TRIM51: variants seen among roughly 807,000 people sequenced by gnomAD.
The protein encoded by TRIM51 is tripartite motif-containing 51.
In TRIM51, 23 loss-of-function variants were observed where a neutral mutation model predicts 32.7. The observed-to-expected ratio is 0.70, with a 90% CI of 0.51 to 1.00. TRIM51 has a LOEUF of 1.00. Ranked by LOEUF, TRIM51 falls within the 50% of genes least tolerant of loss-of-function variation. TRIM51 has a pLI of 0.00. For missense variants in TRIM51, 592 were observed against 539.2 expected, an observed-to-expected ratio of 1.10 and a Z score of -0.97; for synonymous variants, 177 against 181.9, an observed-to-expected ratio of 0.97 and a Z score of 0.22.
At chr11:55,884,396 T>C (rs542487374) in intron 1 of TRIM51, among the ~76,000 whole-genome samples, 69 of 151,792 alleles carry the variant, frequency 4.5e-4, no homozygotes, top group African/African-American at 1.6e-3. Context: ...GGAGAGGAAG[T>C]CCACTAGGGG....
chr11:55,885,789 C>T lies in TRIM51; in HGVS notation c.361C>T (p.His121Tyr). The T allele has an allele frequency of 6.2e-7, 1 of 1,611,792 alleles. No homozygotes were observed. Among genetic ancestry groups the T allele is most frequent in the African/African-American group, 1.3e-5 (1 of 74,954 alleles). The change falls in exon 2 of 7, where the codon CAC becomes TAC. Residue 121 changes from histidine (H) to tyrosine (Y), a missense_variant. By Grantham distance (83) the His-to-Tyr change is moderately conservative. Coordinates refer to ENST00000449290, the MANE Select transcript of TRIM51 (RefSeq NM_032681.4). ...TTTGCCGTGCTCCAACTCTCAGGAG[C>T]ACCGGAATCACATACACTGTCCCAT... Reference protein sequence around the residue: ...LCLPCSNSQEHRNHIHCPIEW... With the variant: ...LCLPCSNSQEYRNHIHCPIEW...
Position 55,887,999 on chromosome 11 carries a change from A to C in TRIM51, c.508-33A>C, listed in dbSNP as rs1391815445. ...AGTGAAATTCAAGAGAAGATGGGTA[A>C]AACATTTCTATTTTGACTAATTGTC... On this transcript the variant is annotated intron_variant, in intron 3 of 6. Transcript: ENST00000449290. 2.7e-6 allele frequency: 4 copies of C among 1,463,946 alleles called. No homozygotes were observed. In the Admixed American group the frequency reaches 6.7e-5, roughly 25 times the overall value. The allele number at this position is 1,463,946 out of a possible 1,614,324, so 90.7% of individuals were successfully genotyped here.
In TRIM51 at chr11:55,885,435, T is replaced by A; in HGVS notation, c.7T>A (p.Ser3Thr). 6.2e-7 allele frequency: 1 copy of A among 1,611,792 alleles called. No homozygotes were observed. Among genetic ancestry groups the A allele is most frequent in the East Asian group, 2.2e-5 (1 of 44,872 alleles). MN[S>T]GILQVFQRAL... ...CTCTTTCTTCTTCAGAAACATGAAT[T>A]CTGGAATCTTGCAAGTCTTCCAGAG... Residue 3 changes from serine (S) to threonine (T), a missense_variant, in exon 2 of 7, where the codon TCT becomes ACT. Physicochemically the swap from Ser to Thr is moderately conservative, Grantham distance 58 (BLOSUM62 1). Coordinates refer to ENST00000449290, the MANE Select transcript of TRIM51 (RefSeq NM_032681.4).
In TRIM51 at chr11:55,885,727, AG is replaced by A. The variant is rs1176633215; in HGVS notation, c.300del (p.Lys101ArgfsTer41). ...ATATGTGGGATGCACAGAGAGACAA[AG>A]AAGATGTTCTGTGAAGTGGACAAGA... is the stretch of plus-strand genomic sequence containing the variant. ...EQICGMHRET[K>X]KMFCEVDKSL... On this transcript the variant is annotated frameshift_variant, in exon 2 of 7. Transcript: ENST00000449290. LOFTEE classifies it high-confidence loss of function. The A allele has an allele frequency of 2.5e-6, 4 of 1,611,818 alleles. No homozygotes were observed. The South Asian group carries it at 4.4e-5, about 18-fold the overall frequency.
chr11:55,891,583 G>A lies in TRIM51; in HGVS notation c.1310G>A (p.Cys437Tyr), dbSNP rs556658129. ...QSSLIYTIPNCSFSPPLRPIF... is the reference protein window; with the variant it reads ...QSSLIYTIPNYSFSPPLRPIF... ...TCCCTGATATACACCATCCCCAATT[G>A]CTCCTTCTCACCTCCTCTCAGGCCT... Residue 437 changes from cysteine (C) to tyrosine (Y), a missense_variant, in exon 7 of 7, where the codon TGC becomes TAC. By Grantham distance (194) the Cys-to-Tyr change is radical. Coordinates refer to ENST00000449290, the MANE Select transcript of TRIM51 (RefSeq NM_032681.4). 12 of 1,613,444 alleles carry A rather than the reference G, an allele frequency of 7.4e-6. No individual in the cohort carries two copies. The highest frequency in any genetic ancestry group is 1.7e-4 in the Middle Eastern group (1 of 6,050).
intron 1 of TRIM51, among the ~76,000 whole-genome samples, chr11:55,883,666 A>G (rs1590631024): frequency 6.6e-6 from 1 of 152,156 alleles, no homozygotes; most frequent in East Asian, 1.9e-4. Flanking sequence ...TAAAACATAT[A>G]TATGTGTACT....
chr11:55,885,155 C>G (rs1421596431), intron 1 of TRIM51, among the ~76,000 whole-genome samples: 1 of 152,082 alleles, frequency 6.6e-6, no homozygotes, highest in African/African-American at 2.4e-5. Context: ...TGTCGACATC[C>G]AGGGAGTAGG....
chr11:55,889,114 T>C, intron 5 of TRIM51, 113 bp downstream of exon 5: 1 of 985,884 alleles, frequency 1.0e-6, no homozygotes, highest in Non-Finnish European at 1.6e-6. Context: ...TTGTGCTGGT[T>C]GTACTTTCTC....
Position 55,891,533 on chromosome 11 carries a change from G to A in TRIM51, c.1260G>A (p.Val420=), listed in dbSNP as rs748083476. 8.7e-6 allele frequency: 14 copies of A among 1,613,468 alleles called. No individual in the cohort carries two copies. In the Admixed American group the frequency reaches 2.3e-4, roughly 27 times the overall value. Residue 420 remains valine, a synonymous_variant, in exon 7 of 7, where the codon GTG becomes GTA. Coordinates refer to ENST00000449290, the MANE Select transcript of TRIM51 (RefSeq NM_032681.4). ...GLFLDCEGRT[V]SFVDVDQSSL... ...TCCTGGATTGTGAAGGTAGAACCGT[G>A]AGCTTTGTTGATGTTGATCAAAGTT...
At chr11:55,884,374 T>C (rs1200097317) in intron 1 of TRIM51, among the ~76,000 whole-genome samples, 1 of 151,634 alleles carries the variant, frequency 6.6e-6, no homozygotes, top group Admixed American at 6.6e-5. Flanking sequence ...ACTCTACACA[T>C]GACACTGTAC....
At position 55,885,752 on chromosome 11, in the gene TRIM51, G is replaced by C; in HGVS notation, c.324G>C (p.Lys108Asn). 1 of 1,611,828 alleles carries C rather than the reference G, an allele frequency of 6.2e-7. No individual in the cohort carries two copies. Among genetic ancestry groups the C allele is most frequent in the Non-Finnish European group, 8.5e-7 (1 of 1,179,738 alleles). The change falls in exon 2 of 7, where the codon AAG (lysine) becomes AAC (asparagine). Residue 108 changes from lysine to asparagine, a missense_variant. Lys to Asn is a moderately conservative substitution (Grantham distance 94, BLOSUM62 0). Transcript: ENST00000449290. ...AGAAGATGTTCTGTGAAGTGGACAA[G>C]AGCCTGCTCTGTTTGCCGTGCTCCA... The part of the protein sequence containing the change: ...ETKKMFCEVD[K>N]SLLCLPCSNS...
In TRIM51 at chr11:55,891,208, G is replaced by C. The variant is rs1417191998; in HGVS notation, c.935G>C (p.Gly312Ala). The change falls in exon 7 of 7, where the codon GGA becomes GCA. Residue 312 changes from glycine (G) to alanine (A), a missense_variant. Coordinates refer to ENST00000449290, the MANE Select transcript of TRIM51 (RefSeq NM_032681.4). ...LCGDLRSMNV[G>A]CDPQDDPDIT... ...GGAGATTTGAGAAGCATGAATGTTGGATGTGACCCTCAAGATGATCCCGAT... is the reference window on the plus strand; with the variant it reads ...GGAGATTTGAGAAGCATGAATGTTGCATGTGACCCTCAAGATGATCCCGAT... 1 of 1,604,108 alleles carries C rather than the reference G, an allele frequency of 6.2e-7. No individual in the cohort carries two copies. The highest frequency in any genetic ancestry group is 1.7e-5 in the Admixed American group (1 of 59,984).
intron 3 of TRIM51, 138 bp downstream of exon 3, chr11:55,886,356 C>A: frequency 1.4e-6 from 1 of 695,834 alleles, no homozygotes; most frequent in Non-Finnish European, 2.5e-6. Flanking sequence ...AAAAAAACAC[C>A]CTAATTTTTT....
chr11:55,888,961 A>AC lies in TRIM51; in HGVS notation c.739-18_739-17insC. Reference sequence around the variant, plus strand: ...CTTGTGGAAAGCGCTAAGCCTTTCTATTTTTTTTTTTTTACAGGCTTTTGG... The same window carrying AC: ...CTTGTGGAAAGCGCTAAGCCTTTCTACTTTTTTTTTTTTTACAGGCTTTTGG... On this transcript the variant is annotated splice_polypyrimidine_tract_variant and intron_variant, in intron 4 of 6. Transcript: ENST00000449290. The AC allele has an allele frequency of 3.6e-6, 5 of 1,377,428 alleles. No individual in the cohort carries two copies. In the East Asian group the frequency reaches 1.3e-4, roughly 35 times the overall value. 85.3% of individuals were successfully genotyped at this position (1,377,428 alleles called of 1,614,324 possible). A position where few individuals can be genotyped will look rare whatever the true frequency, so the allele number is the denominator to read the frequency against.
rs376523230 is a variant in TRIM51 at position 55,891,385 on chromosome 11, T to G, written c.1112T>G (p.Ile371Arg). Residue 371 changes from isoleucine to arginine, a missense_variant, in exon 7 of 7, where the codon ATA (isoleucine) becomes AGA (arginine). Ile to Arg is a moderately conservative substitution (Grantham distance 97). Coordinates refer to ENST00000449290, the MANE Select transcript of TRIM51 (RefSeq NM_032681.4). Reference sequence around the variant, plus strand: ...AAAGAGAAGAGACAGAATGACAAGATAGATGGAGAGGAGGGACTCTTTCTT... The same window carrying G: ...AAAGAGAAGAGACAGAATGACAAGAGAGATGGAGAGGAGGGACTCTTTCTT... ...YWKEKRQNDKIDGEEGLFLLG... is the reference protein window; with the variant it reads ...YWKEKRQNDKRDGEEGLFLLG... The G allele has an allele frequency of 6.2e-7, 1 of 1,612,166 alleles. No homozygotes were observed. The highest frequency in any genetic ancestry group is 8.5e-7 in the Non-Finnish European group (1 of 1,179,756).
chr11:55,890,935 T>C (rs1854639447), intron 6 of TRIM51, among the ~76,000 whole-genome samples, 198 bp from the exon 7 acceptor site: 1 of 152,158 alleles, frequency 6.6e-6, no homozygotes, highest in African/African-American at 2.4e-5. Flanking sequence ...ATTTTCAATG[T>C]GTTTCTAGGG....
intron 6 of TRIM51, among the ~76,000 whole-genome samples, chr11:55,890,630 G>T (rs932657101): frequency 3.3e-4 from 50 of 152,258 alleles, no homozygotes; most frequent in Middle Eastern, 3.4e-3. Context: ...AGCTAGCACG[G>T]ATGTCCGCAA....
chr11:55,888,138 G>A lies in TRIM51; in HGVS notation c.614G>A (p.Gly205Asp), dbSNP rs1425448963. Residue 205 changes from glycine (G) to aspartate (D), a missense_variant, in exon 4 of 7, where the codon GGC becomes GAC. Gly to Asp is a moderately conservative substitution (Grantham distance 94). Transcript: ENST00000449290. ...CACTTGGAAAGGCTGCGAAAGGAGG[G>A]CGAGGACATTTTTCAGCAACTCAAT... ...QHHLERLRKEGEDIFQQLNES... is the reference protein window; with the variant it reads ...QHHLERLRKEDEDIFQQLNES... 6 of 1,613,574 alleles carry A rather than the reference G, an allele frequency of 3.7e-6. No individual in the cohort carries two copies. Among genetic ancestry groups the A allele is most frequent in the South Asian group, 1.1e-5 (1 of 91,078 alleles).
At chr11:55,887,984 A>G (rs756949670) in intron 3 of TRIM51, 48 bp from the exon 4 acceptor site, 1 of 1,373,198 alleles carries the variant, frequency 7.3e-7, no homozygotes, top group South Asian at 1.2e-5. Context: ...AGTGAAATTC[A>G]AGAGAAGATG....
Sources: gnomAD v4.1 joint callset for allele counts (sites outside exome capture counted in the v4.1 genomes callset) on GRCh38, gnomAD v4.1.1 for gene constraint, MANE v1.5 for transcripts, NCBI Gene and HGNC (gene_info 2026-07-23, HGNC 2026-07-21) for gene names.